NELL2: variants seen among roughly 807,000 people sequenced by gnomAD.
NELL2 encodes the protein protein kinase C-binding protein NELL2.
NELL2 carries 41 observed loss-of-function variants against 109.6 expected under a neutral mutation model. The ratio of observed to expected loss-of-function variants is 0.37; its 90% CI spans 0.29 to 0.49. The LOEUF is 0.49. Ranked by LOEUF, NELL2 falls within the 20% of genes least tolerant of loss-of-function variation. NELL2 has a pLI of 0.98. For missense variants in NELL2, 900 were observed against 1,008.3 expected (o/e 0.89, Z 1.45); for synonymous variants, 355 against 344.7 (o/e 1.03, Z -0.33).
chr12:44,687,644 A>G (rs1489614191), intron 12 of NELL2, among the ~76,000 whole-genome samples: 1 of 152,232 alleles, frequency 6.6e-6, no homozygotes, highest in African/African-American at 2.4e-5. Context: ...TTTCACTCCA[A>G]GCAAGCAGTT....
intron 13 of NELL2, among the ~76,000 whole-genome samples, chr12:44,652,587 A>G (rs888840573): frequency 6.6e-6 from 1 of 152,102 alleles, no homozygotes; most frequent in Non-Finnish European, 1.5e-5. Context: ...AGAATTATGT[A>G]TTTTCTTCAA....
At position 44,702,948 on chromosome 12, in the gene NELL2, T is replaced by C. The variant is rs538510476; in HGVS notation, c.1318+778A>G. 2.0e-4 allele frequency among the ~76,000 whole-genome samples: 31 copies of C among 152,214 alleles called. 1 individual carries two copies. Among genetic ancestry groups the C allele is most frequent in the Non-Finnish European group, 7.3e-5 (5 of 68,038 alleles). On this transcript the variant is annotated intron_variant, in intron 12 of 19. Transcript: ENST00000429094. ...CTCCACAGATCTATGACATATGCTT[T>C]TCATGTGGAGTGGGTAAGTTTAGAA...
intron 3 of NELL2, among the ~76,000 whole-genome samples, chr12:44,800,945 CCT>C (rs1393374989): frequency 1.3e-5 from 2 of 152,096 alleles, no homozygotes; most frequent in East Asian, 1.9e-4. Flanking sequence ...TCATGCCTCC[CCT>C]GTTGTTCAGT....
At chr12:44,797,302 T>C (rs2136643891) in intron 3 of NELL2, among the ~76,000 whole-genome samples, 1 of 152,176 alleles carries the variant, frequency 6.6e-6, no homozygotes, top group South Asian at 2.1e-4. Context: ...GCCTTCCCTA[T>C]TGCATCAAGG....
At chr12:44,655,880 C>T (rs1329108486) in intron 13 of NELL2, among the ~76,000 whole-genome samples, 2 of 151,974 alleles carry the variant, frequency 1.3e-5, no homozygotes, top group Non-Finnish European at 2.9e-5. Flanking sequence ...CATTTTAAAA[C>T]CTAAAGTTGT....
At chr12:44,533,893 G>A (rs1020736961) in intron 15 of NELL2, among the ~76,000 whole-genome samples, 1 of 26,702 alleles carries the variant, frequency 3.7e-5, no homozygotes, top group Non-Finnish European at 9.2e-5. Context: ...CTTGATAGCC[G>A]TATGCCATAG....
intron 15 of NELL2, among the ~76,000 whole-genome samples, chr12:44,582,233 C>T (rs1000527487): frequency 1.3e-5 from 2 of 152,102 alleles, no homozygotes; most frequent in African/African-American, 2.4e-5. Flanking sequence ...AATGGTAGCT[C>T]TGCTTGCCCT....
chr12:44,680,815 A>C (rs1444578398), intron 12 of NELL2, among the ~76,000 whole-genome samples: 1 of 152,140 alleles, frequency 6.6e-6, no homozygotes, highest in East Asian at 1.9e-4. Context: ...AATCGCAGTT[A>C]TTGTTGTTGT....
intron 19 of NELL2, among the ~76,000 whole-genome samples, chr12:44,510,357 TCA>T (rs773235419): frequency 2.6e-4 from 40 of 152,174 alleles, no homozygotes; most frequent in Non-Finnish European, 5.1e-4. Flanking sequence ...ATGTCCAAAA[TCA>T]CACAGCTAGT....
At chr12:44,866,210 G>T (rs1165388484) in intron 2 of NELL2, among the ~76,000 whole-genome samples, 1 of 152,126 alleles carries the variant, frequency 6.6e-6, no homozygotes, top group Non-Finnish European at 1.5e-5. Flanking sequence ...CTCCAGAATT[G>T]TGAGAAATAA....
chr12:44,876,040 T>G lies in NELL2; in HGVS notation c.-171A>C, dbSNP rs1221374517. ...TTGCCTAAGAAAGAAAAGGGAGGCC[T>G]CCCCAGGCGCGTGAAGAACTTAGAC... On this transcript the variant is annotated 5_prime_UTR_variant, in exon 1 of 20. Transcript: ENST00000429094. 5.4e-6 allele frequency: 8 copies of G among 1,474,554 alleles called. No individual in the cohort carries two copies. Among genetic ancestry groups the G allele is most frequent in the Non-Finnish European group, 7.1e-6 (8 of 1,119,314 alleles). 91.3% of individuals were successfully genotyped at this position (1,474,554 alleles called of 1,614,324 possible).
intron 5 of NELL2, 102 bp from the exon 6 acceptor site, chr12:44,777,416 T>A: frequency 1.1e-6 from 1 of 890,880 alleles, no homozygotes; most frequent in Non-Finnish European, 1.8e-6. Context: ...ACACACTCAC[T>A]AAAATCCCTG....
chr12:44,867,955 A>G (rs577271142), intron 2 of NELL2, among the ~76,000 whole-genome samples: 1 of 151,940 alleles, frequency 6.6e-6, no homozygotes, highest in Non-Finnish European at 1.5e-5. Context: ...CCCTGTCTCT[A>G]CTAAAAATAC....
intron 12 of NELL2, among the ~76,000 whole-genome samples, chr12:44,693,015 A>T (rs1262695186): frequency 6.6e-6 from 1 of 152,182 alleles, no homozygotes; most frequent in African/African-American, 2.4e-5. Flanking sequence ...TACAATTTTG[A>T]AAAAAGTTCT....
intron 1 of NELL2, among the ~76,000 whole-genome samples, chr12:44,890,946 T>C (rs1164438206): frequency 6.6e-6 from 1 of 152,160 alleles, no homozygotes; most frequent in Non-Finnish European, 1.5e-5. Context: ...GCAAGGCTGG[T>C]CTTGAACTCC....
chr12:44,522,695 CATTT>C (rs1343947536), intron 17 of NELL2: 1 of 152,788 alleles, frequency 6.5e-6, no homozygotes, highest in East Asian at 1.9e-4. Context: ...ATAATTTGAG[CATTT>C]ATTATAACTA....
chr12:44,743,369 G>A (rs528013792), intron 9 of NELL2, among the ~76,000 whole-genome samples: 8,149 of 152,118 alleles, frequency 0.054, 661 homozygotes, highest in African/African-American at 0.18. Context: ...AAAGACCATC[G>A]AGGCTAGGAA....
chr12:44,596,362 C>A (rs1944963753), intron 15 of NELL2, among the ~76,000 whole-genome samples: 1 of 152,110 alleles, frequency 6.6e-6, no homozygotes, highest in Non-Finnish European at 1.5e-5. Context: ...ATATGACAGT[C>A]CTAGAAATTA....
intron 12 of NELL2, among the ~76,000 whole-genome samples, chr12:44,686,441 T>C (rs1293260513): frequency 1.3e-5 from 2 of 152,244 alleles, no homozygotes; most frequent in Non-Finnish European, 2.9e-5. Context: ...CCTCCAGCTT[T>C]ATTCCGTTGC....
Sources: allele counts gnomAD v4.1 joint callset (sites outside exome capture counted in the v4.1 genomes callset), GRCh38; gene constraint gnomAD v4.1.1; transcripts MANE v1.5; gene names NCBI Gene and HGNC (gene_info 2026-07-23, HGNC 2026-07-21).